EDEM3: variants seen among roughly 807,000 people sequenced by gnomAD.
EDEM3 encodes ER degradation-enhancing alpha-mannosidase-like protein 3.
EDEM3 carries 60 observed loss-of-function variants against 110.2 expected under a neutral mutation model. That is an observed-to-expected ratio of 0.54 (90% CI 0.44 to 0.67). The LOEUF (loss-of-function observed/expected upper bound fraction) is 0.67. Among genes scored for constraint, EDEM3 ranks in the 30% least tolerant of loss-of-function variants. The pLI is 0.00. For missense variants in EDEM3, 996 were observed against 1,121.0 expected (o/e 0.89, Z 1.59); for synonymous variants, 352 against 382.9 (o/e 0.92, Z 0.94).
At position 184,707,676 on chromosome 1, in the gene EDEM3, G is replaced by A. The variant is rs115717293; in HGVS notation, c.2037+477C>T. Among the ~76,000 whole-genome samples, 949 of 152,228 alleles carry A rather than the reference G, an allele frequency of 6.2e-3. 11 individuals are homozygous for A. Among genetic ancestry groups the A allele is most frequent in the Middle Eastern group, 0.027 (8 of 294 alleles). On this transcript the variant is annotated intron_variant, in intron 17 of 19. Transcript: ENST00000318130. Reference sequence around the variant, plus strand: ...AGTTATGTAAGTCTTTGTTTTCTACGTTATAACTATGTTACAACTATAGAG... The same window carrying A: ...AGTTATGTAAGTCTTTGTTTTCTACATTATAACTATGTTACAACTATAGAG...
At chr1:184,695,878 G>C (rs10159213) in intron 19 of EDEM3, among the ~76,000 whole-genome samples, 3,872 of 151,880 alleles carry the variant, frequency 0.025, 169 homozygotes, top group African/African-American at 0.087. Flanking sequence ...GGTATTGCTG[G>C]GGCACAGAAA....
intron 2 of EDEM3, among the ~76,000 whole-genome samples, chr1:184,739,257 T>C (rs966962027): frequency 2.0e-5 from 3 of 148,952 alleles, no homozygotes; most frequent in Non-Finnish European, 3.0e-5. Context: ...ATAAAATAAT[T>C]AAATTTAAAT....
intron 1 of EDEM3, among the ~76,000 whole-genome samples, chr1:184,749,871 T>C (rs377405652): frequency 2.0e-5 from 3 of 152,310 alleles, no homozygotes; most frequent in East Asian, 1.9e-4. Flanking sequence ...TGATGAATGA[T>C]AGATGCCATC....
chr1:184,696,763 C>G (rs1449178880), intron 19 of EDEM3, among the ~76,000 whole-genome samples: 1 of 151,828 alleles, frequency 6.6e-6, no homozygotes, highest in Non-Finnish European at 1.5e-5. Context: ...CAAGAGAGAA[C>G]AAAAAGAAAA....
intron 2 of EDEM3, among the ~76,000 whole-genome samples, chr1:184,741,909 G>A (rs1652164276): frequency 6.6e-6 from 1 of 152,082 alleles, no homozygotes; most frequent in African/African-American, 2.4e-5. Flanking sequence ...GCATTTGCTG[G>A]GTGTTGCTAT....
chr1:184,754,485 T>C lies in EDEM3; in HGVS notation c.158+4A>G. On this transcript the variant is annotated splice_donor_region_variant and intron_variant, in intron 1 of 19. Coordinates refer to ENST00000318130, the MANE Select transcript of EDEM3 (RefSeq NM_025191.4). ...AACCCACCCCAGGCTGCCAGCACCC[T>C]TACCCAAGCTTCTGTTTCTCCTCCC... The C allele has an allele frequency of 6.2e-7, 1 of 1,612,296 alleles. No homozygotes were observed. Among genetic ancestry groups the C allele is most frequent in the Non-Finnish European group, 8.5e-7 (1 of 1,179,542 alleles).
chr1:184,731,193 G>C (rs1651494204), intron 6 of EDEM3, among the ~76,000 whole-genome samples: 1 of 152,130 alleles, frequency 6.6e-6, no homozygotes, highest in Non-Finnish European at 1.5e-5. Context: ...TTGGATAAGA[G>C]GGAGAGAGTA....
In EDEM3 at chr1:184,690,979, A is replaced by G. The variant is rs1649038854; in HGVS notation, c.*3084T>C. 1 of 152,468 alleles carries G rather than the reference A, an allele frequency of 6.6e-6. No individual in the cohort carries two copies. 9.4% of individuals were successfully genotyped at this position (152,468 alleles called of 1,614,324 possible). On this transcript the variant is annotated 3_prime_UTR_variant, in exon 20 of 20. Coordinates refer to ENST00000318130, the MANE Select transcript of EDEM3 (RefSeq NM_025191.4). ...AGAACAAATGTTGGCTTTACTATAAAAAAGGTTGTGTGATGGTAATTTAAA... is the reference window on the plus strand; with the variant it reads ...AGAACAAATGTTGGCTTTACTATAAGAAAGGTTGTGTGATGGTAATTTAAA...
intron 13 of EDEM3, among the ~76,000 whole-genome samples, chr1:184,716,304 G>A (rs1238910393): frequency 6.6e-6 from 1 of 152,174 alleles, no homozygotes; most frequent in East Asian, 1.9e-4. Flanking sequence ...CATTCATTTA[G>A]AGATGTGATA....
intron 6 of EDEM3, among the ~76,000 whole-genome samples, 186 bp from the exon 7 acceptor site, chr1:184,726,575 A>T (rs369814065): frequency 1.3e-5 from 2 of 152,242 alleles, no homozygotes; most frequent in South Asian, 2.1e-4. Flanking sequence ...TTCTAAGCAT[A>T]TAATATTCAT....
Position 184,712,353 on chromosome 1 carries a change from C to T in EDEM3, c.1536+80G>A, listed in dbSNP as rs1316736402. On this transcript the variant is annotated intron_variant, in intron 14 of 19. Coordinates refer to ENST00000318130, the MANE Select transcript of EDEM3 (RefSeq NM_025191.4). Reference sequence around the variant, plus strand: ...CCATACATATATTTATTGAATTCTACTCATGGATTACTTTTCACTTGGAAA... The same window carrying T: ...CCATACATATATTTATTGAATTCTATTCATGGATTACTTTTCACTTGGAAA... The T allele has an allele frequency of 5.5e-6, 7 of 1,272,660 alleles. No individual in the cohort carries two copies. The Admixed American group carries it at 1.9e-4, about 34-fold the overall frequency. The allele number at this position is 1,272,660 out of a possible 1,614,324, so 78.8% of individuals were successfully genotyped here.
At chr1:184,746,818 C>G (rs554433229) in intron 2 of EDEM3, among the ~76,000 whole-genome samples, 1 of 152,072 alleles carries the variant, frequency 6.6e-6, no homozygotes, top group Non-Finnish European at 1.5e-5. Flanking sequence ...TTAGAAAGAA[C>G]TAGTGAGAAA....
In EDEM3 at chr1:184,737,035, T is replaced by C; in HGVS notation, c.335A>G (p.Asp112Gly). ...AAGAGTCAAACCTACCACAAGAGTG[T>C]CCAAAGAATCAATCAGTGTCAGAGA... ...KFSLTLIDSL[D>G]TLVVLNKTKE... Residue 112 changes from aspartate to glycine, a missense_variant, in exon 4 of 20, where the codon GAC becomes GGC. Physicochemically the swap from Asp to Gly is moderately conservative, Grantham distance 94 (BLOSUM62 -1). Coordinates refer to ENST00000318130, the MANE Select transcript of EDEM3 (RefSeq NM_025191.4). 1 of 1,611,940 alleles carries C rather than the reference T, an allele frequency of 6.2e-7. No homozygotes were observed. Among genetic ancestry groups the C allele is most frequent in the Non-Finnish European group, 8.5e-7 (1 of 1,178,656 alleles).
chr1:184,727,134 A>G (rs1651235483), intron 6 of EDEM3, among the ~76,000 whole-genome samples: 1 of 152,230 alleles, frequency 6.6e-6, no homozygotes. Flanking sequence ...TCTACTAAAA[A>G]TACAAAAATC....
rs141450162 is a variant in EDEM3, at chr1:184,734,125, T to C, written c.458+406A>G. On this transcript the variant is annotated intron_variant, in intron 5 of 19. Coordinates refer to ENST00000318130, the MANE Select transcript of EDEM3 (RefSeq NM_025191.4). ...ACATCTTTTAAACACAGGAAACTTC[T>C]TGCATGATTACCATCAAGAAATAAA... 1.3e-3 allele frequency among the ~76,000 whole-genome samples: 204 copies of C among 152,346 alleles called. 3 individuals are homozygous for C. In the East Asian group the frequency reaches 0.035, roughly 26 times the overall value.
At chr1:184,721,266 A>C in intron 9 of EDEM3, 23 bp downstream of exon 9, 1 of 1,549,874 alleles carries the variant, frequency 6.5e-7, no homozygotes, top group South Asian at 1.2e-5. Flanking sequence ...TTGATTATAA[A>C]ATATAAAATT....
chr1:184,698,095 GA>G (rs1004962052), intron 19 of EDEM3, among the ~76,000 whole-genome samples: 53 of 151,314 alleles, frequency 3.5e-4, no homozygotes, highest in African/African-American at 1.3e-3. Flanking sequence ...TCCATAAAGA[GA>G]AAAAACAAAA....
intron 6 of EDEM3, among the ~76,000 whole-genome samples, chr1:184,732,506 C>T (rs1157180143): frequency 2.6e-5 from 4 of 152,086 alleles, no homozygotes; most frequent in South Asian, 4.1e-4. Flanking sequence ...GATAAATGCT[C>T]GAGGTAATGG....
intron 2 of EDEM3, among the ~76,000 whole-genome samples, chr1:184,738,733 G>A (rs1651970587): frequency 6.6e-6 from 1 of 152,060 alleles, no homozygotes; most frequent in Non-Finnish European, 1.5e-5. Context: ...ACATCTTTTT[G>A]TATTATCCAT....
Sources: gnomAD v4.1 joint callset for allele counts (sites outside exome capture counted in the v4.1 genomes callset) on GRCh38, gnomAD v4.1.1 for gene constraint, MANE v1.5 for transcripts, NCBI Gene and HGNC (gene_info 2026-07-23, HGNC 2026-07-21) for gene names.